Variants in CACNG5 observed in about 807,000 individuals in gnomAD.
CACNG5 encodes calcium voltage-gated channel auxiliary subunit gamma 5.
Under a neutral mutation model 24.8 loss-of-function variants are expected in CACNG5, and 18 were observed. That is an observed-to-expected ratio of 0.73 (90% CI 0.50 to 1.08). CACNG5 has a LOEUF of 1.08. Ranked by LOEUF, CACNG5 falls within the 50% of genes least tolerant of loss-of-function variation. CACNG5 has a pLI of 0.00. For missense variants in CACNG5, 349 were observed against 367.9 expected, an observed-to-expected ratio of 0.95 and a Z score of 0.42; for synonymous variants, 157 against 149.1, an observed-to-expected ratio of 1.05 and a Z score of -0.39.
chr17:66,847,030 C>T (rs531978513), intron 1 of CACNG5, among the ~76,000 whole-genome samples: 1 of 152,372 alleles, frequency 6.6e-6, no homozygotes, highest in Non-Finnish European at 1.5e-5. Flanking sequence ...AAGCTACACA[C>T]CTGCTTGGTG....
chr17:66,843,874 CAA>C (rs1976600489), intron 1 of CACNG5, among the ~76,000 whole-genome samples: 1 of 151,374 alleles, frequency 6.6e-6, no homozygotes, highest in Middle Eastern at 3.4e-3. Flanking sequence ...TGCTCTCAAG[CAA>C]AAGAGTACAA....
At chr17:66,838,230 C>G (rs79465115) in intron 1 of CACNG5, among the ~76,000 whole-genome samples, 2,636 of 151,784 alleles carry the variant, frequency 0.017, 77 homozygotes, top group African/African-American at 0.059. Context: ...CCTGTCACTC[C>G]CCTCGCCCTT....
intron 2 of CACNG5, among the ~76,000 whole-genome samples, chr17:66,878,743 A>G (rs1977118171): frequency 6.6e-6 from 1 of 152,300 alleles, no homozygotes; most frequent in African/African-American, 2.4e-5. Context: ...GCTTGGGTCC[A>G]TCCTCACACA....
rs538739304 is a variant in CACNG5 at position 66,872,470 on chromosome 17, C to T, written c.-103-4760C>T. Among the ~76,000 whole-genome samples, 13 of 152,018 alleles carry T rather than the reference C, an allele frequency of 8.6e-5. 1 individual carries two copies. The South Asian group carries it at 1.9e-3, about 22-fold the overall frequency. ...GAATATGTACACACATGCACAACTA[C>T]GTAGAAAAAAAGACTAAAAGGCAAT... is the stretch of plus-strand genomic sequence containing the variant. On this transcript the variant is annotated intron_variant, in intron 1 of 5. Coordinates refer to ENST00000533854, the MANE Select transcript of CACNG5 (RefSeq NM_145811.3).
In CACNG5 at chr17:66,888,356, A is replaced by G. The variant is rs1568075649; in HGVS notation, c.*3116A>G. Among the ~76,000 whole-genome samples the G allele has an allele frequency of 6.6e-6, 1 of 151,580 alleles. No individual in the cohort carries two copies. Among genetic ancestry groups the G allele is most frequent in the Non-Finnish European group, 1.5e-5 (1 of 67,876 alleles). ...TCAGGAGATCGAGACCATCCTGGCT[A>G]ACATGGTGAAACCCTGTCTCTACTA... On this transcript the variant is annotated 3_prime_UTR_variant, in exon 6 of 6. Coordinates refer to ENST00000533854, the MANE Select transcript of CACNG5 (RefSeq NM_145811.3).
chr17:66,843,035 C>T (rs1445183706), intron 1 of CACNG5, among the ~76,000 whole-genome samples: 1 of 152,198 alleles, frequency 6.6e-6, no homozygotes, highest in Non-Finnish European at 1.5e-5. Context: ...AAGATGGTGG[C>T]CAATAATAAC....
chr17:66,883,518 T>A (rs1977195158), intron 4 of CACNG5, among the ~76,000 whole-genome samples: 1 of 152,222 alleles, frequency 6.6e-6, no homozygotes, highest in South Asian at 2.1e-4. Context: ...ATTAATTATG[T>A]CTTGATTCAA....
chr17:66,851,184 A>G (rs1976706503), intron 1 of CACNG5, among the ~76,000 whole-genome samples: 1 of 152,190 alleles, frequency 6.6e-6, no homozygotes, highest in African/African-American at 2.4e-5. Context: ...ACAAAGACCG[A>G]AGAATGAGCT....
At chr17:66,869,933 C>T (rs879879738) in intron 1 of CACNG5, among the ~76,000 whole-genome samples, 3 of 151,678 alleles carry the variant, frequency 2.0e-5, no homozygotes, top group Non-Finnish European at 4.4e-5. Context: ...AATACAAAAA[C>T]TTAGCGGGGC....
intron 1 of CACNG5, among the ~76,000 whole-genome samples, chr17:66,838,235 G>A (rs529504436): frequency 8.6e-5 from 13 of 151,650 alleles, no homozygotes; most frequent in Admixed American, 3.3e-4. Flanking sequence ...CACTCCCCTC[G>A]CCCTTTCTTG....
At chr17:66,863,686 G>A (rs1976894088) in intron 1 of CACNG5, among the ~76,000 whole-genome samples, 1 of 152,090 alleles carries the variant, frequency 6.6e-6, no homozygotes, top group South Asian at 2.1e-4. Flanking sequence ...TATTTATTGA[G>A]ATTTATACAC....
At chr17:66,838,578 T>C (rs763160201) in intron 1 of CACNG5, among the ~76,000 whole-genome samples, 2 of 151,946 alleles carry the variant, frequency 1.3e-5, no homozygotes, top group Non-Finnish European at 2.9e-5. Flanking sequence ...TACTGCCTTT[T>C]CTGGATGCTC....
intron 1 of CACNG5, among the ~76,000 whole-genome samples, chr17:66,853,105 G>A (rs1976727688): frequency 6.6e-6 from 1 of 152,116 alleles, no homozygotes; most frequent in Admixed American, 6.6e-5. Context: ...GGGATTACAG[G>A]TGTGAGCAAC....
In CACNG5 at chr17:66,888,477, G is replaced by A. The variant is rs182492580; in HGVS notation, c.*3237G>A. ...GAGAATGGCGTGAACCTGGGAGGCA[G>A]AGCTTGCAGTGAGCCGAGATCGCAC... On this transcript the variant is annotated 3_prime_UTR_variant, in exon 6 of 6. Coordinates refer to ENST00000533854, the MANE Select transcript of CACNG5 (RefSeq NM_145811.3). Among the ~76,000 whole-genome samples the A allele has an allele frequency of 5.8e-3, 806 of 139,456 alleles. 50 individuals carry two copies. The East Asian group carries it at 0.13, about 22-fold the overall frequency. The allele number at this position is 139,456 out of a possible 152,430, so 91.5% of individuals were successfully genotyped here.
chr17:66,852,842 T>C (rs1325991558), intron 1 of CACNG5, among the ~76,000 whole-genome samples: 1 of 151,864 alleles, frequency 6.6e-6, no homozygotes, highest in African/African-American at 2.4e-5. Flanking sequence ...TCGCTTCCCT[T>C]TTCCCTCCCT....
In CACNG5 at chr17:66,885,434, G is replaced by C; in HGVS notation, c.*194G>C. 1 of 625,938 alleles carries C rather than the reference G, an allele frequency of 1.6e-6. No individual in the cohort carries two copies. The highest frequency in any genetic ancestry group is 2.6e-6 in the Non-Finnish European group (1 of 377,716). 38.8% of individuals were successfully genotyped at this position (625,938 alleles called of 1,614,324 possible). The stretch of plus-strand genomic sequence containing the variant: ...GCCCCAGCATGGGTGTGGGAGTCTG[G>C]AGTCTGTGGGCAAGCTGATTGTCTG... On this transcript the variant is annotated 3_prime_UTR_variant, in exon 6 of 6. Transcript: ENST00000533854.
chr17:66,884,952 G>T (rs762239225), intron 5 of CACNG5, 31 bp from the exon 6 acceptor site: 5 of 1,614,040 alleles, frequency 3.1e-6, no homozygotes, highest in Non-Finnish European at 4.2e-6. Context: ...CCCCAGCAGC[G>T]AGCCCATCCT....
intron 1 of CACNG5, among the ~76,000 whole-genome samples, chr17:66,844,797 C>G (rs917610): frequency 0.77 from 116,676 of 152,136 alleles, 45,087 homozygotes; most frequent in South Asian, 0.87. Context: ...GAGGCACAGA[C>G]AGGTTAAGTA....
At chr17:66,875,842 G>A (rs2143108164) in intron 1 of CACNG5, among the ~76,000 whole-genome samples, 1 of 152,350 alleles carries the variant, frequency 6.6e-6, no homozygotes, top group Non-Finnish European at 1.5e-5. Context: ...GCCAAGGGTG[G>A]CTTGGGTGAC....
Sources: allele counts gnomAD v4.1 joint callset (sites outside exome capture counted in the v4.1 genomes callset), GRCh38; gene constraint gnomAD v4.1.1; transcripts MANE v1.5; gene names NCBI Gene and HGNC (gene_info 2026-07-23, HGNC 2026-07-21).